The following THSD4 variants were observed in gnomAD, a reference collection of about 807,000 sequenced individuals.
The protein encoded by THSD4 is thrombospondin type-1 domain-containing protein 4.
THSD4 carries 69 observed loss-of-function variants against 119.0 expected under a neutral mutation model. The ratio of observed to expected loss-of-function variants is 0.58; its 90% CI spans 0.48 to 0.71. THSD4 has a LOEUF of 0.71. THSD4 is among the 30% of genes least tolerant of loss of function. The probability of loss-of-function intolerance (pLI) is 0.00; values close to 1 mark genes in which losing one functional copy is unlikely to be tolerated. For missense variants in THSD4, 1,393 were observed against 1,391.1 expected (o/e 1.00, Z -0.02); for synonymous variants, 524 against 540.4 (o/e 0.97, Z 0.42).
chr15:71,744,991 CCTCA>C, intron 11 of THSD4, 111 bp from the exon 12 acceptor site: 1 of 1,360,670 alleles, frequency 7.3e-7, no homozygotes, highest in South Asian at 1.4e-5. Flanking sequence ...TGTGAATTGT[CCTCA>C]CTGTTTCTGT....
chr15:71,626,401 G>C (rs2050510951), intron 7 of THSD4, among the ~76,000 whole-genome samples: 1 of 152,142 alleles, frequency 6.6e-6, no homozygotes, highest in African/African-American at 2.4e-5. Context: ...GACCCTCAGT[G>C]GAATGTGTAT....
chr15:71,433,322 A>AT (rs1324237446), intron 7 of THSD4, among the ~76,000 whole-genome samples: 1 of 151,198 alleles, frequency 6.6e-6, no homozygotes, highest in African/African-American at 2.4e-5. Context: ...TACTGAAAAG[A>AT]TTTTTTTGAA....
intron 8 of THSD4, among the ~76,000 whole-genome samples, chr15:71,724,490 T>C (rs1436924087): frequency 1.3e-5 from 2 of 151,414 alleles, no homozygotes; most frequent in African/African-American, 2.4e-5. Flanking sequence ...TTTCACCATG[T>C]TGGCCAGGAT....
At chr15:71,457,398 A>T (rs1426529323) in intron 7 of THSD4, among the ~76,000 whole-genome samples, 5 of 151,586 alleles carry the variant, frequency 3.3e-5, no homozygotes, top group Non-Finnish European at 7.4e-5. Context: ...AAAAAAAAAA[A>T]AAAAGCCAAG....
chr15:71,765,011 T>C lies in THSD4; in HGVS notation c.2590-9T>C, dbSNP rs748626692. The stretch of plus-strand genomic sequence containing the variant: ...TGTGACACTCATCTTTTTCTGCTTC[T>C]TTCTGCAGTGTTCCATCGAGTGTGG... On this transcript the variant is annotated splice_polypyrimidine_tract_variant and intron_variant, in intron 15 of 17. Coordinates refer to ENST00000261862, the MANE Select transcript of THSD4 (RefSeq NM_024817.3). 115 of 1,611,302 alleles carry C rather than the reference T, an allele frequency of 7.1e-5. No homozygotes were observed. Among genetic ancestry groups the C allele is most frequent in the Non-Finnish European group, 9.3e-5 (110 of 1,178,410 alleles).
At chr15:71,126,425 C>T (rs777164332) in intron 1 of THSD4, among the ~76,000 whole-genome samples, 1 of 152,220 alleles carries the variant, frequency 6.6e-6, no homozygotes, top group Admixed American at 6.5e-5. Context: ...TCTGTTCCCA[C>T]GTGGCCATCA....
chr15:71,406,175 A>T (rs1044615232), intron 6 of THSD4, among the ~76,000 whole-genome samples: 2 of 151,890 alleles, frequency 1.3e-5, no homozygotes, highest in Admixed American at 6.6e-5. Flanking sequence ...AAGTTACCAA[A>T]TTTTTTTCTG....
intron 6 of THSD4, among the ~76,000 whole-genome samples, chr15:71,283,632 G>T (rs1415727769): frequency 1.3e-5 from 2 of 152,164 alleles, no homozygotes; most frequent in African/African-American, 4.8e-5. Context: ...GAGCACTTCT[G>T]TAAGACAAAG....
intron 7 of THSD4, among the ~76,000 whole-genome samples, chr15:71,540,308 T>C (rs2048741256): frequency 6.6e-6 from 1 of 151,502 alleles, no homozygotes; most frequent in African/African-American, 2.4e-5. Context: ...CGGCTAATTT[T>C]TATATTTTTA....
At chr15:71,709,861 G>A (rs935430585) in intron 8 of THSD4, among the ~76,000 whole-genome samples, 7 of 151,766 alleles carry the variant, frequency 4.6e-5, no homozygotes, top group African/African-American at 1.7e-4. Flanking sequence ...CCAGGCATCA[G>A]TTTAAAAAAA....
chr15:71,141,596 G>A (rs1480973937), intron 2 of THSD4, 40 bp downstream of exon 2: 2 of 1,582,532 alleles, frequency 1.3e-6, no homozygotes, highest in Non-Finnish European at 1.7e-6. Flanking sequence ...AGGAGAATAA[G>A]AAATTTGATA....
intron 7 of THSD4, among the ~76,000 whole-genome samples, chr15:71,427,622 T>G (rs569885238): frequency 7.4e-5 from 11 of 148,252 alleles, no homozygotes; most frequent in Non-Finnish European, 1.6e-4. Context: ...TACGAGATAC[T>G]CAGGATAGAA....
At chr15:71,613,333 T>C (rs1350260854) in intron 7 of THSD4, among the ~76,000 whole-genome samples, 1 of 152,218 alleles carries the variant, frequency 6.6e-6, no homozygotes, top group Non-Finnish European at 1.5e-5. Flanking sequence ...TCATTTAACA[T>C]TTCCCAAACT....
intron 7 of THSD4, among the ~76,000 whole-genome samples, chr15:71,647,148 G>A (rs909456488): frequency 1.8e-4 from 27 of 152,230 alleles, no homozygotes; most frequent in African/African-American, 5.8e-4. Flanking sequence ...ACCAAAGAAG[G>A]TGAAGGATCG....
chr15:71,231,151 G>T (rs1045885562), intron 4 of THSD4, among the ~76,000 whole-genome samples: 1 of 152,194 alleles, frequency 6.6e-6, no homozygotes, highest in Non-Finnish European at 1.5e-5. Context: ...ACTGTGGTTG[G>T]CTTGTTCTTA....
chr15:71,134,526 GA>G (rs140337064), intron 1 of THSD4, among the ~76,000 whole-genome samples: 3,534 of 152,346 alleles, frequency 0.023, 139 homozygotes, highest in African/African-American at 0.081. Flanking sequence ...AAGTCTGTAA[GA>G]AACTCGTGCC....
intron 6 of THSD4, among the ~76,000 whole-genome samples, chr15:71,336,606 G>C (rs1173022031): frequency 6.6e-6 from 1 of 152,312 alleles, no homozygotes; most frequent in East Asian, 1.9e-4. Flanking sequence ...CACTGAATTA[G>C]ACTTTTTAAG....
At chr15:71,694,525 A>G (rs1311671416) in intron 8 of THSD4, among the ~76,000 whole-genome samples, 2 of 152,212 alleles carry the variant, frequency 1.3e-5, no homozygotes, top group Non-Finnish European at 1.5e-5. Context: ...GTATAGTTTA[A>G]TTGAAATTTT....
chr15:71,545,844 C>T (rs2048829080), intron 7 of THSD4, among the ~76,000 whole-genome samples: 1 of 152,162 alleles, frequency 6.6e-6, no homozygotes, highest in Non-Finnish European at 1.5e-5. Flanking sequence ...AAAAAACTCC[C>T]CACTGGTAAA....
Sources: gnomAD v4.1 joint callset for allele counts (sites outside exome capture counted in the v4.1 genomes callset) on GRCh38, gnomAD v4.1.1 for gene constraint, MANE v1.5 for transcripts, NCBI Gene and HGNC (gene_info 2026-07-23, HGNC 2026-07-21) for gene names.